Variants in DGKI observed in about 807,000 individuals in gnomAD.
DGKI encodes diacylglycerol kinase iota, also known as DAG kinase iota.
In DGKI, 55 loss-of-function variants were observed where a neutral mutation model predicts 147.5. That is an observed-to-expected ratio of 0.37 (90% CI 0.30 to 0.47). The LOEUF is 0.47. Ranked by LOEUF, DGKI falls within the 20% of genes least tolerant of loss-of-function variation. DGKI has a pLI of 1.00. For missense variants in DGKI, 1,007 were observed against 1,323.8 expected (o/e 0.76, Z 3.71); for synonymous variants, 469 against 477.1 (o/e 0.98, Z 0.22).
At chr7:137,450,136 G>T (rs947398977) in intron 27 of DGKI, among the ~76,000 whole-genome samples, 2 of 152,168 alleles carry the variant, frequency 1.3e-5, no homozygotes, top group Non-Finnish European at 2.9e-5. Flanking sequence ...GCATTTCGGG[G>T]TGAGGGAGAT....
rs1156891729 is a variant in DGKI, at chr7:137,618,151, AT to A, written c.993+1672del. Among the ~76,000 whole-genome samples, 44 of 10,466 alleles carry A rather than the reference AT, an allele frequency of 4.2e-3. 4 individuals are homozygous for A. Among genetic ancestry groups the A allele is most frequent in the African/African-American group, 5.4e-3 (43 of 8,010 alleles). 6.9% of individuals were successfully genotyped at this position (10,466 alleles called of 152,430 possible). A position where few individuals can be genotyped will look rare whatever the true frequency, so the allele number is the denominator to read the frequency against. ...ACTATATATATATATATATATATAT[AT>A]TTTTTTTTTTTTACTCTATCATTCC... On this transcript the variant is annotated intron_variant, in intron 8 of 32. Coordinates refer to ENST00000614521, the MANE Select transcript of DGKI (RefSeq NM_001321708.2).
chr7:137,468,839 A>T (rs1406017035), intron 24 of DGKI, among the ~76,000 whole-genome samples: 1 of 152,194 alleles, frequency 6.6e-6, no homozygotes, highest in Non-Finnish European at 1.5e-5. Context: ...CCAGAAAAAC[A>T]AAAAAGGGGT....
intron 1 of DGKI, among the ~76,000 whole-genome samples, chr7:137,701,076 T>C (rs1364900731): frequency 6.6e-6 from 1 of 152,106 alleles, no homozygotes; most frequent in Non-Finnish European, 1.5e-5. Flanking sequence ...ACTTGTTCTT[T>C]TAATTTCCCC....
intron 12 of DGKI, among the ~76,000 whole-genome samples, chr7:137,591,897 C>T (rs1264249761): frequency 6.6e-6 from 1 of 152,188 alleles, no homozygotes; most frequent in Non-Finnish European, 1.5e-5. Context: ...ATCAGCCCCA[C>T]CTTCAGCTGC....
Position 137,465,968 on chromosome 7 carries a change from A to G in DGKI, c.2552T>C (p.Val851Ala), listed in dbSNP as rs769797286. The G allele has an allele frequency of 6.2e-7, 1 of 1,614,162 alleles. No homozygotes were observed. Among genetic ancestry groups the G allele is most frequent in the Non-Finnish European group, 8.5e-7 (1 of 1,180,002 alleles). Residue 851 changes from valine to alanine, a missense_variant, in exon 26 of 33, where the codon GTG becomes GCG. Val to Ala is a moderately conservative substitution (Grantham distance 64, BLOSUM62 0). Coordinates refer to ENST00000614521, the MANE Select transcript of DGKI (RefSeq NM_001321708.2). ...CGGAGGTGTCCCCGCCGGCTGTGACACCACCATATCTGGGTCCAGAATAAA... is the reference window on the plus strand; with the variant it reads ...CGGAGGTGTCCCCGCCGGCTGTGACGCCACCATATCTGGGTCCAGAATAAA... Reference protein sequence around the residue: ...EIFILDPDMVVSQPAGTPPGM... With the variant: ...EIFILDPDMVASQPAGTPPGM...
intron 20 of DGKI, among the ~76,000 whole-genome samples, chr7:137,531,738 G>A (rs1382219924): frequency 6.6e-5 from 10 of 152,154 alleles, no homozygotes; most frequent in African/African-American, 1.7e-4. Context: ...ATTTGCAACC[G>A]ATAAATTCAC....
chr7:137,731,039 G>A (rs1012764155), intron 1 of DGKI, among the ~76,000 whole-genome samples: 1 of 152,010 alleles, frequency 6.6e-6, no homozygotes, highest in Non-Finnish European at 1.5e-5. Flanking sequence ...TTCCGCCTCA[G>A]CCACAATGGC....
intron 1 of DGKI, among the ~76,000 whole-genome samples, chr7:137,808,501 C>T (rs561880440): frequency 3.2e-4 from 49 of 152,264 alleles, no homozygotes; most frequent in African/African-American, 1.1e-3. Context: ...TCATTAAGTG[C>T]CTGCTATGCA....
At chr7:137,771,366 C>T (rs1326507953) in intron 1 of DGKI, among the ~76,000 whole-genome samples, 2 of 152,182 alleles carry the variant, frequency 1.3e-5, no homozygotes, top group African/African-American at 4.8e-5. Context: ...GCTGGGACTA[C>T]AGGTGTGAGC....
At chr7:137,496,137 A>C (rs1312342962) in intron 21 of DGKI, among the ~76,000 whole-genome samples, 1 of 152,190 alleles carries the variant, frequency 6.6e-6, no homozygotes, top group Non-Finnish European at 1.5e-5. Context: ...AATGTACAAA[A>C]AATCAGTAGC....
chr7:137,467,434 A>C (rs759969074), intron 24 of DGKI, among the ~76,000 whole-genome samples: 8 of 152,206 alleles, frequency 5.3e-5, no homozygotes, highest in Non-Finnish European at 1.2e-4. Context: ...TTATTAAGTA[A>C]ATAAAGCTAG....
intron 1 of DGKI, among the ~76,000 whole-genome samples, chr7:137,786,583 A>G (rs1009913824): frequency 1.3e-5 from 2 of 152,042 alleles, no homozygotes; most frequent in Non-Finnish European, 2.9e-5. Flanking sequence ...CCATCAAAAT[A>G]CCACCATCAT....
chr7:137,796,948 AC>A (rs1366964309), intron 1 of DGKI, among the ~76,000 whole-genome samples: 3 of 152,238 alleles, frequency 2.0e-5, no homozygotes, highest in Non-Finnish European at 2.9e-5. Context: ...ATTAGTCTAT[AC>A]ATCTAAGAAG....
At chr7:137,771,952 G>C (rs1307686933) in intron 1 of DGKI, 1 of 152,200 alleles carries the variant, frequency 6.6e-6, no homozygotes, top group Non-Finnish European at 1.5e-5. Flanking sequence ...TGGGCTTCTG[G>C]AAATAACGTC....
intron 1 of DGKI, among the ~76,000 whole-genome samples, chr7:137,772,437 C>T (rs189505886): frequency 6.6e-6 from 1 of 152,198 alleles, no homozygotes; most frequent in East Asian, 1.9e-4. Flanking sequence ...CAAGAGATTG[C>T]ACTTAAACTG....
At chr7:137,580,650 A>G (rs1333101192) in intron 15 of DGKI, among the ~76,000 whole-genome samples, 1 of 152,132 alleles carries the variant, frequency 6.6e-6, no homozygotes, top group Non-Finnish European at 1.5e-5. Flanking sequence ...TGGATCCAGT[A>G]AGAGACTTTA....
At chr7:137,649,720 A>T (rs1821956010) in intron 5 of DGKI, among the ~76,000 whole-genome samples, 1 of 151,042 alleles carries the variant, frequency 6.6e-6, no homozygotes, top group Admixed American at 6.6e-5. Context: ...CACGTAAGCA[A>T]ATACCACCTG....
chr7:137,382,078 A>G lies in DGKI; in HGVS notation c.*9142T>C, dbSNP rs893863302. On this transcript the variant is annotated 3_prime_UTR_variant, in exon 33 of 33. Coordinates refer to ENST00000614521, the MANE Select transcript of DGKI (RefSeq NM_001321708.2). ...AAGGTACAACAAATATCAAGGCTAG[A>G]TGGTATCTTAAAAGTGATAAATCTC... 1 of 152,118 alleles carries G rather than the reference A, an allele frequency of 6.6e-6. No individual in the cohort carries two copies. Among genetic ancestry groups the G allele is most frequent in the Non-Finnish European group, 1.5e-5 (1 of 67,994 alleles). The allele number at this position is 152,118 out of a possible 1,614,324, so 9.4% of individuals were successfully genotyped here.
intron 27 of DGKI, among the ~76,000 whole-genome samples, chr7:137,456,637 C>T (rs1378309190): frequency 6.6e-6 from 1 of 152,212 alleles, no homozygotes; most frequent in Non-Finnish European, 1.5e-5. Flanking sequence ...ATAAATATGG[C>T]TGCCAGCTTT....
Sources: gnomAD v4.1 joint callset for allele counts (sites outside exome capture counted in the v4.1 genomes callset) on GRCh38, gnomAD v4.1.1 for gene constraint, MANE v1.5 for transcripts, NCBI Gene and HGNC (gene_info 2026-07-23, HGNC 2026-07-21) for gene names.